The following MCTP1 variants were observed in gnomAD, a reference collection of about 807,000 sequenced individuals.
MCTP1 encodes multiple C2 and transmembrane domain containing 1.
Under a neutral mutation model 120.6 loss-of-function variants are expected in MCTP1, and 69 were observed. The observed-to-expected ratio is 0.57, with a 90% CI of 0.47 to 0.70. The LOEUF is 0.70. Ranked by LOEUF, MCTP1 falls within the 30% of genes least tolerant of loss-of-function variation. The pLI is 0.00. For missense variants in MCTP1, 1,203 were observed against 1,248.8 expected (o/e 0.96, Z 0.55); for synonymous variants, 529 against 493.1 (o/e 1.07, Z -0.96).
intron 1 of MCTP1, among the ~76,000 whole-genome samples, chr5:95,239,896 A>G (rs1023780141): frequency 6.6e-6 from 1 of 152,040 alleles, no homozygotes; most frequent in Admixed American, 6.6e-5. Context: ...ATTATGTCAA[A>G]TTGAAGATTT....
chr5:94,985,524 A>C (rs1221147013), intron 2 of MCTP1, among the ~76,000 whole-genome samples: 2 of 152,148 alleles, frequency 1.3e-5, no homozygotes, highest in Admixed American at 6.6e-5. Context: ...AGATCTATGA[A>C]TACTGCCAGT....
At chr5:94,973,359 C>T (rs1330337342) in intron 2 of MCTP1, among the ~76,000 whole-genome samples, 1 of 152,150 alleles carries the variant, frequency 6.6e-6, no homozygotes, top group Non-Finnish European at 1.5e-5. Flanking sequence ...CTCCTGGTTC[C>T]CCCATGAGAG....
At chr5:94,813,447 A>G (rs901962835) in intron 17 of MCTP1, among the ~76,000 whole-genome samples, 1 of 152,238 alleles carries the variant, frequency 6.6e-6, no homozygotes, top group African/African-American at 2.4e-5. Flanking sequence ...CACATTAACC[A>G]ATAATTCTAC....
At chr5:95,145,658 T>G (rs1760323156) in intron 1 of MCTP1, among the ~76,000 whole-genome samples, 1 of 152,196 alleles carries the variant, frequency 6.6e-6, no homozygotes, top group Non-Finnish European at 1.5e-5. Flanking sequence ...CATATGGGTT[T>G]TGTTTTTTAT....
At chr5:95,202,687 T>C (rs1489184892) in intron 1 of MCTP1, among the ~76,000 whole-genome samples, 2 of 152,214 alleles carry the variant, frequency 1.3e-5, no homozygotes, top group African/African-American at 4.8e-5. Flanking sequence ...GCTTGGCACT[T>C]ACTGAATTCT....
chr5:95,107,727 AT>A (rs1757190796), intron 1 of MCTP1, among the ~76,000 whole-genome samples: 1 of 152,226 alleles, frequency 6.6e-6, no homozygotes, highest in Non-Finnish European at 1.5e-5. Flanking sequence ...TTGTCCAAGT[AT>A]TGGCCATTCA....
chr5:95,060,371 G>A (rs1748623117), intron 1 of MCTP1, among the ~76,000 whole-genome samples: 1 of 152,116 alleles, frequency 6.6e-6, no homozygotes, highest in African/African-American at 2.4e-5. Flanking sequence ...GAAAATCAGT[G>A]GGTTAAACAG....
At chr5:95,165,773 A>G (rs143703491) in intron 1 of MCTP1, among the ~76,000 whole-genome samples, 90 of 152,304 alleles carry the variant, frequency 5.9e-4, no homozygotes, top group African/African-American at 2.1e-3. Context: ...TTACTTGCTT[A>G]GTCATGTCTT....
intron 1 of MCTP1, among the ~76,000 whole-genome samples, chr5:95,123,651 C>T (rs1293316104): frequency 1.4e-5 from 2 of 145,396 alleles, no homozygotes; most frequent in African/African-American, 5.1e-5. Flanking sequence ...ACAAGCTCTG[C>T]TTTTTTTTTT....
rs59934526 is a variant in MCTP1 at position 94,740,652 on chromosome 5, T to C, written c.2611-25766A>G. Among the ~76,000 whole-genome samples the C allele has an allele frequency of 4.1e-3, 621 of 152,328 alleles. 5 individuals are homozygous for C. Among genetic ancestry groups the C allele is most frequent in the African/African-American group, 0.014 (581 of 41,572 alleles). On this transcript the variant is annotated intron_variant, in intron 19 of 22. Coordinates refer to ENST00000515393, the MANE Select transcript of MCTP1 (RefSeq NM_024717.7). ...CTTAGCAATTTGTATGCAAAGTACGTAGAGCTTCATTGTGAGAGAAGCTCT... is the reference window on the plus strand; with the variant it reads ...CTTAGCAATTTGTATGCAAAGTACGCAGAGCTTCATTGTGAGAGAAGCTCT...
chr5:94,973,233 T>C (rs1827299511), intron 2 of MCTP1, among the ~76,000 whole-genome samples: 1 of 152,182 alleles, frequency 6.6e-6, no homozygotes, highest in Non-Finnish European at 1.5e-5. Context: ...TGATTCTAGA[T>C]TCCAAATTTA....
At chr5:94,996,982 A>G (rs1445724632) in intron 2 of MCTP1, among the ~76,000 whole-genome samples, 2 of 152,178 alleles carry the variant, frequency 1.3e-5, no homozygotes, top group Non-Finnish European at 2.9e-5. Context: ...ATCCCTGGCT[A>G]ACAGAGGAGA....
intron 18 of MCTP1, among the ~76,000 whole-genome samples, chr5:94,780,258 T>C (rs1776282577): frequency 6.6e-5 from 2 of 30,188 alleles, no homozygotes; most frequent in African/African-American, 2.3e-4. Context: ...TAGCCCTCCT[T>C]TCCTGTTTTT....
At chr5:94,714,962 T>TGTTA (rs1261483727) in intron 19 of MCTP1, 76 bp from the exon 20 acceptor site, 3 of 858,968 alleles carry the variant, frequency 3.5e-6, no homozygotes, top group Middle Eastern at 2.3e-4. Flanking sequence ...GTTGTCCCTC[T>TGTTA]GTTACATTTT....
intron 2 of MCTP1, among the ~76,000 whole-genome samples, chr5:95,015,453 C>A (rs1730375944): frequency 6.6e-6 from 1 of 152,094 alleles, no homozygotes; most frequent in Non-Finnish European, 1.5e-5. Context: ...ATTTCCTCTT[C>A]ATCCCTTTTA....
intron 11 of MCTP1, among the ~76,000 whole-genome samples, chr5:94,893,619 C>T (rs569967553): frequency 3.3e-5 from 5 of 152,290 alleles, no homozygotes; most frequent in East Asian, 1.9e-4. Context: ...TTTGCTGAAG[C>T]GCACATCCTG....
intron 12 of MCTP1, among the ~76,000 whole-genome samples, chr5:94,884,052 A>C (rs1288843048): frequency 6.6e-6 from 1 of 152,176 alleles, no homozygotes; most frequent in Non-Finnish European, 1.5e-5. Context: ...AATAAATCCA[A>C]ATCTTTGTAT....
chr5:95,163,647 G>A lies in MCTP1; in HGVS notation c.720+120209C>T, dbSNP rs181632986. ...TTTGCTACTCTTATCAGAAAGATGT[G>A]TCATATCACTGGGAGGTTCTACTTT... On this transcript the variant is annotated intron_variant, in intron 1 of 22. Transcript: ENST00000515393. 6.4e-4 allele frequency among the ~76,000 whole-genome samples: 98 copies of A among 152,314 alleles called. 1 individual carries two copies. The highest frequency in any genetic ancestry group is 2.2e-3 in the African/African-American group (91 of 41,560).
At chr5:94,868,111 T>A (rs978587214) in intron 17 of MCTP1, 6 of 352,608 alleles carry the variant, frequency 1.7e-5, no homozygotes, top group African/African-American at 6.3e-5. Flanking sequence ...TTGGCTGAGA[T>A]GTCTTGCGTT....
Sources: allele counts gnomAD v4.1 joint callset (sites outside exome capture counted in the v4.1 genomes callset), GRCh38; gene constraint gnomAD v4.1.1; transcripts MANE v1.5; gene names NCBI Gene and HGNC (gene_info 2026-07-23, HGNC 2026-07-21).